Variants in PRKAA2 observed in about 807,000 individuals in gnomAD.
PRKAA2 encodes protein kinase AMP-activated catalytic subunit alpha 2.
Under a neutral mutation model 56.3 loss-of-function variants are expected in PRKAA2, and 40 were observed. That is an observed-to-expected ratio of 0.71 (90% CI 0.55 to 0.92). The LOEUF is 0.92. Among genes scored for constraint, PRKAA2 ranks in the 40% least tolerant of loss-of-function variants. The probability of loss-of-function intolerance (pLI) is 0.00; values close to 1 mark genes in which losing one functional copy is unlikely to be tolerated. For synonymous variants in PRKAA2, 214 were observed against 234.2 expected, an observed-to-expected ratio of 0.91 and a Z score of 0.79; for missense variants, 542 against 686.9, an observed-to-expected ratio of 0.79 and a Z score of 2.36.
chr1:56,697,642 C>T (rs1193007267), intron 6 of PRKAA2, among the ~76,000 whole-genome samples: 1 of 152,000 alleles, frequency 6.6e-6, no homozygotes, highest in Non-Finnish European at 1.5e-5. Context: ...GATATATTTG[C>T]AGCTGCTCAT....
chr1:56,703,896 A>G (rs1010383431), intron 6 of PRKAA2, 75 bp from the exon 7 acceptor site: 5 of 1,436,806 alleles, frequency 3.5e-6, no homozygotes, highest in Non-Finnish European at 4.7e-6. Flanking sequence ...ATATTCTATT[A>G]TATTGCCCTA....
intron 2 of PRKAA2, among the ~76,000 whole-genome samples, chr1:56,683,003 T>A (rs753038548): frequency 2.3e-4 from 35 of 151,624 alleles, no homozygotes; most frequent in Non-Finnish European, 4.9e-4. Flanking sequence ...ATGGATGGAT[T>A]TGATATGTAT....
intron 1 of PRKAA2, among the ~76,000 whole-genome samples, chr1:56,646,700 G>A (rs1646645361): frequency 6.6e-6 from 1 of 152,058 alleles, no homozygotes; most frequent in Non-Finnish European, 1.5e-5. Context: ...ATTTTATTCT[G>A]AGGTCTCTAT....
At chr1:56,692,601 G>T in intron 4 of PRKAA2, 99 bp downstream of exon 4, 1 of 1,226,898 alleles carries the variant, frequency 8.2e-7, no homozygotes. Context: ...TGTACGTTCT[G>T]TACCATGAAA....
At chr1:56,699,988 A>G (rs1644283372) in intron 6 of PRKAA2, among the ~76,000 whole-genome samples, 3 of 152,316 alleles carry the variant, frequency 2.0e-5, no homozygotes, top group South Asian at 2.1e-4. Flanking sequence ...TAGTTTATGC[A>G]TTAGTTAACG....
chr1:56,653,268 A>G lies in PRKAA2; in HGVS notation c.94+7787A>G, dbSNP rs1025326734. 6.0e-5 allele frequency among the ~76,000 whole-genome samples: 9 copies of G among 149,616 alleles called. No homozygotes were observed. The East Asian group carries it at 1.2e-3, about 19-fold the overall frequency. On this transcript the variant is annotated intron_variant, in intron 1 of 8. Transcript: ENST00000371244. ...TTCTCTTGCTGATATATATAGATATATATAATATATATATAATTTATATGA... is the reference window on the plus strand; with the variant it reads ...TTCTCTTGCTGATATATATAGATATGTATAATATATATATAATTTATATGA...
chr1:56,707,729 T>G lies in PRKAA2; in HGVS notation c.*16T>G. On this transcript the variant is annotated 3_prime_UTR_variant, in exon 9 of 9. Coordinates refer to ENST00000371244, the MANE Select transcript of PRKAA2 (RefSeq NM_006252.4). ...AGCCCGTTGATCTGTCTCTAGTTTC[T>G]TTCTGTTATTGCACTATGAAAATCA... 2 of 1,550,122 alleles carry G rather than the reference T, an allele frequency of 1.3e-6. No individual in the cohort carries two copies. Among genetic ancestry groups the G allele is most frequent in the South Asian group, 1.1e-5 (1 of 89,508 alleles).
intron 2 of PRKAA2, among the ~76,000 whole-genome samples, chr1:56,679,735 C>T (rs562479757): frequency 2.4e-4 from 37 of 152,220 alleles, no homozygotes; most frequent in Non-Finnish European, 4.3e-4. Context: ...AGTGCAATTA[C>T]ATTTGACCCT....
intron 7 of PRKAA2, among the ~76,000 whole-genome samples, chr1:56,705,680 G>A (rs564905075): frequency 3.9e-4 from 60 of 152,260 alleles, no homozygotes; most frequent in Non-Finnish European, 6.6e-4. Context: ...AATTACAGGC[G>A]TGAGCCACTG....
At chr1:56,668,277 G>A (rs2746344) in intron 1 of PRKAA2, among the ~76,000 whole-genome samples, 80,864 of 125,826 alleles carry the variant, frequency 0.64, 25,187 homozygotes, top group Middle Eastern at 0.73. Flanking sequence ...GGTGGGGGGA[G>A]GGGGGAGGGA....
At chr1:56,652,349 G>A (rs1334746908) in intron 1 of PRKAA2, among the ~76,000 whole-genome samples, 2 of 152,004 alleles carry the variant, frequency 1.3e-5, no homozygotes, top group Non-Finnish European at 2.9e-5. Flanking sequence ...TAGAGACAGG[G>A]TTTCACCGTG....
chr1:56,675,198 A>T (rs1644104758), intron 2 of PRKAA2, among the ~76,000 whole-genome samples: 1 of 152,164 alleles, frequency 6.6e-6, no homozygotes, highest in African/African-American at 2.4e-5. Context: ...AGTCATTTAA[A>T]GTTGCAGTTT....
At chr1:56,706,706 A>G (rs1252811184) in intron 8 of PRKAA2, among the ~76,000 whole-genome samples, 1 of 152,194 alleles carries the variant, frequency 6.6e-6, no homozygotes, top group Non-Finnish European at 1.5e-5. Context: ...GAAAATTGTC[A>G]TGTCCAAGAA....
Position 56,692,360 on chromosome 1 carries a change from T to C in PRKAA2, c.333T>C (p.Val111=), listed in dbSNP as rs1644233646. ...LFDYICKHGR[V]EEMEARRLFQ... ...GCAGTTTCTTTTGTGCTTGATAGGTTGAAGAGATGGAAGCCAGGCGGCTCT... is the reference window on the plus strand; with the variant it reads ...GCAGTTTCTTTTGTGCTTGATAGGTCGAAGAGATGGAAGCCAGGCGGCTCT... The change falls in exon 4 of 9, where the codon GTT becomes GTC. Residue 111 remains valine, a splice_region_variant and synonymous_variant. Coordinates refer to ENST00000371244, the MANE Select transcript of PRKAA2 (RefSeq NM_006252.4). The C allele has an allele frequency of 1.2e-6, 2 of 1,613,980 alleles. No homozygotes were observed. The highest frequency in any genetic ancestry group is 8.5e-7 in the Non-Finnish European group (1 of 1,179,946).
intron 1 of PRKAA2, among the ~76,000 whole-genome samples, chr1:56,648,509 G>A (rs1057491185): frequency 4.6e-5 from 7 of 152,142 alleles, no homozygotes; most frequent in African/African-American, 9.7e-5. Context: ...ATGGCACTAC[G>A]AATATTCACA....
At chr1:56,702,575 C>T (rs1644304266) in intron 6 of PRKAA2, among the ~76,000 whole-genome samples, 1 of 152,214 alleles carries the variant, frequency 6.6e-6, no homozygotes, top group Non-Finnish European at 1.5e-5. Flanking sequence ...TACTCCATCT[C>T]ATAACTCATT....
Position 56,693,864 on chromosome 1 carries a change from T to C in PRKAA2, c.563+12T>C. On this transcript the variant is annotated intron_variant, in intron 5 of 8. Coordinates refer to ENST00000371244, the MANE Select transcript of PRKAA2 (RefSeq NM_006252.4). ...GTCATCTCAGGCAGGTAATAATCAG[T>C]GAAGCATAAGCTTTTTGTAATCTTG... is the stretch of plus-strand genomic sequence containing the variant. The C allele has an allele frequency of 6.5e-7, 1 of 1,540,650 alleles. No homozygotes were observed. The highest frequency in any genetic ancestry group is 8.9e-7 in the Non-Finnish European group (1 of 1,122,628).
intron 6 of PRKAA2, among the ~76,000 whole-genome samples, chr1:56,698,520 G>A (rs2100430987): frequency 6.6e-6 from 1 of 152,252 alleles, no homozygotes; most frequent in East Asian, 1.9e-4. Flanking sequence ...AAGTAAATCT[G>A]TGTTTGTTGA....
intron 1 of PRKAA2, among the ~76,000 whole-genome samples, chr1:56,647,530 G>A (rs1303963139): frequency 6.6e-6 from 1 of 152,104 alleles, no homozygotes; most frequent in African/African-American, 2.4e-5. Context: ...TAAACAGAAA[G>A]AACTTTGATT....
Sources: allele counts gnomAD v4.1 joint callset (sites outside exome capture counted in the v4.1 genomes callset), GRCh38; gene constraint gnomAD v4.1.1; transcripts MANE v1.5; gene names NCBI Gene and HGNC (gene_info 2026-07-23, HGNC 2026-07-21).